The following MTBP variants were observed in gnomAD, a reference collection of about 807,000 sequenced individuals.
MTBP encodes MDM2 binding protein.
A neutral mutation model predicts 117.0 loss-of-function variants in MTBP; 101 were observed. The ratio of observed to expected loss-of-function variants is 0.86; its 90% confidence interval spans 0.73 to 1.02. MTBP has a LOEUF of 1.02. Ranked by LOEUF, MTBP falls within the 50% of genes least tolerant of loss-of-function variation. The pLI, the probability that MTBP is intolerant of heterozygous loss-of-function variation, is 0.00. For missense variants in MTBP, 970 were observed against 1,030.9 expected (o/e 0.94, Z 0.81); for synonymous variants, 350 against 351.5 (o/e 1.00, Z 0.05).
In MTBP at chr8:120,450,113, C is replaced by T. The variant is rs532827056; in HGVS notation, c.200-890C>T. Among the ~76,000 whole-genome samples the T allele has an allele frequency of 2.3e-3, 346 of 152,130 alleles. 2 individuals are homozygous for T. Among genetic ancestry groups the T allele is most frequent in the Non-Finnish European group, 3.8e-3 (259 of 67,994 alleles). ...CAAAGAACAGACAGAAGGGAGCAGA[C>T]TGAAATGCAGGAAAGATGATCAGTG... On this transcript the variant is annotated intron_variant, in intron 2 of 21. Transcript: ENST00000305949.
At chr8:120,465,054 A>G (rs529793006) in intron 10 of MTBP, among the ~76,000 whole-genome samples, 3 of 152,150 alleles carry the variant, frequency 2.0e-5, no homozygotes, top group Non-Finnish European at 4.4e-5. Flanking sequence ...ACATTTCTCC[A>G]AACTATTTGC....
At chr8:120,496,982 T>A (rs1176364971) in intron 13 of MTBP, among the ~76,000 whole-genome samples, 1 of 152,216 alleles carries the variant, frequency 6.6e-6, no homozygotes, top group Non-Finnish European at 1.5e-5. Context: ...CTTCTTTTGT[T>A]CTCCCTTTTT....
rs1222196136 is a variant in MTBP at position 120,451,031 on chromosome 8, C to A, written c.228C>A (p.Ser76=). ...PACSVGGIPG[S]KKWFFAVQAI... is the part of the protein sequence containing the mutation. ...GTTCAGTGGGAGGTATACCTGGTTCCAAGAAGTGGTTCTTTGCAGTGCAGG... is the reference window on the plus strand; with the variant it reads ...GTTCAGTGGGAGGTATACCTGGTTCAAAGAAGTGGTTCTTTGCAGTGCAGG... Residue 76 remains serine (S), a synonymous_variant, in exon 3 of 22, where the codon TCC becomes TCA. Coordinates refer to ENST00000305949, the MANE Select transcript of MTBP (RefSeq NM_022045.5). 1.9e-6 allele frequency: 3 copies of A among 1,612,258 alleles called. No individual in the cohort carries two copies. Among genetic ancestry groups the A allele is most frequent in the Admixed American group, 1.7e-5 (1 of 59,804 alleles).
intron 10 of MTBP, among the ~76,000 whole-genome samples, chr8:120,469,115 G>C (rs972129480): frequency 2.0e-5 from 3 of 151,890 alleles, no homozygotes; most frequent in African/African-American, 7.3e-5. Context: ...GCTCAATCTG[G>C]GCTCATTGCA....
chr8:120,510,604 T>C (rs1246118923), intron 17 of MTBP, among the ~76,000 whole-genome samples: 4 of 152,106 alleles, frequency 2.6e-5, no homozygotes. Context: ...GAAAAATACT[T>C]GAAATAAGGA....
At chr8:120,467,503 G>A (rs184499930) in intron 10 of MTBP, among the ~76,000 whole-genome samples, 1 of 152,274 alleles carries the variant, frequency 6.6e-6, no homozygotes, top group Admixed American at 6.5e-5. Flanking sequence ...CTACTTGGGA[G>A]GCTGAGGCGG....
chr8:120,523,371 G>T lies in MTBP; in HGVS notation c.*35G>T. 1 of 1,345,438 alleles carries T rather than the reference G, an allele frequency of 7.4e-7. No individual in the cohort carries two copies. Among genetic ancestry groups the T allele is most frequent in the Non-Finnish European group, 1.0e-6 (1 of 977,860 alleles). 83.3% of individuals were successfully genotyped at this position (1,345,438 alleles called of 1,614,324 possible). On this transcript the variant is annotated 3_prime_UTR_variant, in exon 22 of 22. Transcript: ENST00000305949. ...ATTCTCTTTAAGACAATTATAAATTGGATGGAGCTATTATTCACTACTTCT... is the reference window on the plus strand; with the variant it reads ...ATTCTCTTTAAGACAATTATAAATTTGATGGAGCTATTATTCACTACTTCT...
intron 20 of MTBP, among the ~76,000 whole-genome samples, chr8:120,522,435 T>C (rs1158291149): frequency 1.3e-5 from 2 of 152,198 alleles, no homozygotes; most frequent in Non-Finnish European, 1.5e-5. Context: ...GATGGACTTA[T>C]GTATATGTGT....
At position 120,517,763 on chromosome 8, in the gene MTBP, G is replaced by A. The variant is rs1041142276; in HGVS notation, c.2247-88G>A. 119 of 1,329,610 alleles carry A rather than the reference G, an allele frequency of 8.9e-5. No homozygotes were observed. The African/African-American group carries it at 1.5e-3, about 17-fold the overall frequency. The allele number at this position is 1,329,610 out of a possible 1,614,324, so 82.4% of individuals were successfully genotyped here. On this transcript the variant is annotated intron_variant, in intron 18 of 21. Coordinates refer to ENST00000305949, the MANE Select transcript of MTBP (RefSeq NM_022045.5). ...AACTTCGATGTTGATTCACTTAATGGATATAGTTGTAATATTTAAGACAGA... is the reference window on the plus strand; with the variant it reads ...AACTTCGATGTTGATTCACTTAATGAATATAGTTGTAATATTTAAGACAGA...
intron 9 of MTBP, 139 bp downstream of exon 9, chr8:120,461,394 C>A (rs1260111237): frequency 1.7e-6 from 1 of 594,254 alleles, no homozygotes; most frequent in Non-Finnish European, 2.8e-6. Flanking sequence ...TTCAAGTAGG[C>A]TGCTGGACTC....
In MTBP at chr8:120,445,425, G is replaced by C. The variant is rs1209843615; in HGVS notation, c.-46G>C. 1 of 1,520,380 alleles carries C rather than the reference G, an allele frequency of 6.6e-7. No individual in the cohort carries two copies. The highest frequency in any genetic ancestry group is 1.4e-5 in the African/African-American group (1 of 72,840). 94.2% of individuals were successfully genotyped at this position (1,520,380 alleles called of 1,614,324 possible). On this transcript the variant is annotated 5_prime_UTR_variant, in exon 1 of 22. Transcript: ENST00000305949. ...AATGCGTCATAGCGCGCGTCTGTTT[G>C]GATGTGGAAGCCGAGACCTAAAGTT...
At chr8:120,518,611 A>T in intron 19 of MTBP, 93 bp from the exon 20 acceptor site, 1 of 741,374 alleles carries the variant, frequency 1.3e-6, no homozygotes, top group Non-Finnish European at 2.2e-6. Context: ...CAGCAAAATG[A>T]ATGTGTAATT....
At chr8:120,502,355 T>G (rs887360337) in intron 14 of MTBP, 137 bp from the exon 15 acceptor site, 2 of 481,520 alleles carry the variant, frequency 4.2e-6, no homozygotes, top group Non-Finnish European at 7.2e-6. Context: ...AGGTCTTTAA[T>G]AAATGCCTAA....
chr8:120,483,551 G>A (rs942011755), intron 11 of MTBP, among the ~76,000 whole-genome samples: 5 of 152,046 alleles, frequency 3.3e-5, no homozygotes, highest in Non-Finnish European at 7.4e-5. Flanking sequence ...TGTTAAAAAT[G>A]AGTATTATAA....
chr8:120,476,320 G>T (rs1026322630), intron 11 of MTBP, among the ~76,000 whole-genome samples: 2 of 152,050 alleles, frequency 1.3e-5, no homozygotes, highest in Admixed American at 6.6e-5. Context: ...GCAAAACCTG[G>T]AAGGATTCCC....
intron 13 of MTBP, among the ~76,000 whole-genome samples, chr8:120,496,707 CAA>C (rs34444618): frequency 9.0e-4 from 117 of 130,636 alleles, no homozygotes; most frequent in Admixed American, 1.0e-3. Flanking sequence ...ATGTTCCATA[CAA>C]AAAAAAAAAA....
chr8:120,449,020 C>G (rs751167842), intron 2 of MTBP, among the ~76,000 whole-genome samples: 1 of 152,224 alleles, frequency 6.6e-6, no homozygotes, highest in Admixed American at 6.5e-5. Context: ...GAGACATGAT[C>G]AGATCTGTGC....
chr8:120,455,619 T>A (rs755709035), intron 6 of MTBP, 40 bp downstream of exon 6: 3 of 1,578,806 alleles, frequency 1.9e-6, no homozygotes, highest in Non-Finnish European at 2.6e-6. Context: ...GTCTGCCTTG[T>A]CTGTTTTCAC....
At chr8:120,452,322 T>C (rs150925691) in intron 4 of MTBP, 1 of 152,368 alleles carries the variant, frequency 6.6e-6, no homozygotes, top group Admixed American at 6.5e-5. Flanking sequence ...TTGTACTGAT[T>C]AATAAAAGGA....
Sources: gnomAD v4.1 joint callset for allele counts (sites outside exome capture counted in the v4.1 genomes callset) on GRCh38, gnomAD v4.1.1 for gene constraint, MANE v1.5 for transcripts, NCBI Gene and HGNC (gene_info 2026-07-23, HGNC 2026-07-21) for gene names.